Variants in HSPA5 observed in about 807,000 individuals in gnomAD.
HSPA5 encodes the protein endoplasmic reticulum chaperone BiP.
Under a neutral mutation model 49.5 loss-of-function variants are expected in HSPA5, and 16 were observed. The ratio of observed to expected loss-of-function variants is 0.32; its 90% CI spans 0.22 to 0.49. The LOEUF (loss-of-function observed/expected upper bound fraction) is 0.49, where lower values mean the gene tolerates loss of function less well. Ranked by LOEUF, HSPA5 falls within the 20% of genes least tolerant of loss-of-function variation. The pLI is 0.99. For missense variants in HSPA5, 376 were observed against 819.0 expected, an observed-to-expected ratio of 0.46 and a Z score of 6.60; for synonymous variants, 271 against 307.2, an observed-to-expected ratio of 0.88 and a Z score of 1.23.
Position 125,237,150 on chromosome 9 carries a change from T to C in HSPA5, c.1407A>G (p.Glu469=), listed in dbSNP as rs1424708127. The C allele has an allele frequency of 6.2e-7, 1 of 1,604,778 alleles. No individual in the cohort carries two copies. The highest frequency in any genetic ancestry group is 1.1e-5 in the South Asian group (1 of 89,866). ...GATGATTGTCTTTTGTCAGGGGTCTTTCACCTAGAAGTTACATACAGAAAA... is the reference window on the plus strand; with the variant it reads ...GATGATTGTCTTTTGTCAGGGGTCTCTCACCTAGAAGTTACATACAGAAAA... ...PTVTIKVYEG[E]RPLTKDNHLL... Residue 469 remains glutamate, a synonymous_variant, in exon 8 of 8, where the codon GAA becomes GAG. Coordinates refer to ENST00000324460, the MANE Select transcript of HSPA5 (RefSeq NM_005347.5).
chr9:125,238,241 G>C lies in HSPA5; in HGVS notation c.1302C>G (p.Thr434=). 6.2e-7 allele frequency: 1 copy of C among 1,613,768 alleles called. No homozygotes were observed. Residue 434 remains threonine, a synonymous_variant, in exon 7 of 8, where the codon ACC becomes ACG. Transcript: ENST00000324460. ...LGIETVGGVM[T]KLIPRNTVVP... ...CCACTGTGTTCCTTGGAATCAGTTT[G>C]GTCATGACACCTCCCACAGTTTCAA...
Position 125,236,583 on chromosome 9 carries a change from G to C in HSPA5, c.*9C>G. 1.3e-6 allele frequency: 2 copies of C among 1,552,502 alleles called. No homozygotes were observed. The highest frequency in any genetic ancestry group is 8.7e-7 in the Non-Finnish European group (1 of 1,149,156). On this transcript the variant is annotated 3_prime_UTR_variant, in exon 8 of 8. Coordinates refer to ENST00000324460, the MANE Select transcript of HSPA5 (RefSeq NM_005347.5). ...TATTTACAATATTACAGCACTAGCA[G>C]ATCAGTGTCTACAACTCATCTTTTT...
chr9:125,240,594 A>G lies in HSPA5; in HGVS notation c.354+82T>C. The G allele has an allele frequency of 8.5e-7, 1 of 1,176,750 alleles. No individual in the cohort carries two copies. The highest frequency in any genetic ancestry group is 2.0e-5 in the Admixed American group (1 of 50,804). The allele number at this position is 1,176,750 out of a possible 1,614,324, so 72.9% of individuals were successfully genotyped here. ...GTCTATAACCTTCAACTGTTGTCTC[A>G]ACACTTTTCCAGAGACTTATAACTC... is the stretch of plus-strand genomic sequence containing the variant. On this transcript the variant is annotated intron_variant, in intron 2 of 7. Coordinates refer to ENST00000324460, the MANE Select transcript of HSPA5 (RefSeq NM_005347.5). This position sits in a 1 kb window ranked among gnomAD's most constrained non-coding sequence, Gnocchi z 4.4.
At position 125,238,763 on chromosome 9, in the gene HSPA5, G is replaced by A. The variant is rs1368629912; in HGVS notation, c.1061C>T (p.Ser354Phe). ...KVLEDSDLKKSDIDEIVLVGG... is the reference protein window; with the variant it reads ...KVLEDSDLKKFDIDEIVLVGG... Reference sequence around the variant, plus strand: ...AACAAGAACAATTTCATCAATATCAGACTTCTTCAAATCAGAATCTTCCAA... The same window carrying A: ...AACAAGAACAATTTCATCAATATCAAACTTCTTCAAATCAGAATCTTCCAA... Residue 354 changes from serine (S) to phenylalanine (F), a missense_variant, in exon 6 of 8, where the codon TCT becomes TTT. Ser to Phe is a radical substitution (Grantham distance 155). Around this residue, in one of 8 missense-constraint regions of HSPA5, gnomAD observed 89 missense variants for 155.9 expected, o/e 0.57. Coordinates refer to ENST00000324460, the MANE Select transcript of HSPA5 (RefSeq NM_005347.5). The A allele has an allele frequency of 6.2e-6, 10 of 1,614,010 alleles. No individual in the cohort carries two copies. Among genetic ancestry groups the A allele is most frequent in the Non-Finnish European group, 2.5e-6 (3 of 1,180,040 alleles).
At chr9:125,237,894 G>T (rs1178588367) in intron 7 of HSPA5, among the ~76,000 whole-genome samples, 1 of 152,100 alleles carries the variant, frequency 6.6e-6, no homozygotes, top group African/African-American at 2.4e-5. Context: ...CTGAGGTCAG[G>T]AGTTGGAGAC....
At position 125,240,553 on chromosome 9, in the gene HSPA5, T is replaced by C; in HGVS notation, c.354+123A>G. ...TTGTAACATACTAATAGTATTAAAG[T>C]TATTACATACATCATGTCTATAACC... On this transcript the variant is annotated intron_variant, in intron 2 of 7. Transcript: ENST00000324460. The surrounding 1 kb of genome is among the most constrained non-coding windows in gnomAD (Gnocchi z 4.4). 1.2e-6 allele frequency: 1 copy of C among 803,432 alleles called. No homozygotes were observed. The allele number at this position is 803,432 out of a possible 1,614,324, so 49.8% of individuals were successfully genotyped here.
Position 125,236,589 on chromosome 9 carries a change from T to C in HSPA5, c.*3A>G. The stretch of plus-strand genomic sequence containing the variant: ...CAATATTACAGCACTAGCAGATCAG[T>C]GTCTACAACTCATCTTTTTCTGCTG... On this transcript the variant is annotated 3_prime_UTR_variant, in exon 8 of 8. Transcript: ENST00000324460. 6.4e-7 allele frequency: 1 copy of C among 1,562,864 alleles called. No homozygotes were observed. The highest frequency in any genetic ancestry group is 8.6e-7 in the Non-Finnish European group (1 of 1,156,416).
chr9:125,239,061 T>C lies in HSPA5; in HGVS notation c.876A>G (p.Val292=). 1 of 1,614,206 alleles carries C rather than the reference T, an allele frequency of 6.2e-7. No homozygotes were observed. Among genetic ancestry groups the C allele is most frequent in the Non-Finnish European group, 8.5e-7 (1 of 1,180,036 alleles). Residue 292 remains valine, a synonymous_variant, in exon 5 of 8, where the codon GTA becomes GTG. Coordinates refer to ENST00000324460, the MANE Select transcript of HSPA5 (RefSeq NM_005347.5). This position sits in a 1 kb window ranked among gnomAD's most constrained non-coding sequence, Gnocchi z 5.5. ...AAGACAGGGCCCGTTTGGCCTTTTC[T>C]ACCTCGCGCCGGAGTTTCTGCACAG... is the stretch of plus-strand genomic sequence containing the variant. ...NRAVQKLRRE[V]EKAKRALSSQ...
At position 125,240,608 on chromosome 9, in the gene HSPA5, G is replaced by T. The variant is rs988847565; in HGVS notation, c.354+68C>A. On this transcript the variant is annotated intron_variant, in intron 2 of 7. Transcript: ENST00000324460. The surrounding 1 kb of genome is among the most constrained non-coding windows in gnomAD (Gnocchi z 4.4). ...ACTGTTGTCTCAACACTTTTCCAGA[G>T]ACTTATAACTCTAAATACTCCCACC... 1.5e-6 allele frequency: 2 copies of T among 1,305,292 alleles called. No homozygotes were observed. The highest frequency in any genetic ancestry group is 2.2e-6 in the Non-Finnish European group (2 of 912,018). The allele number at this position is 1,305,292 out of a possible 1,614,324, so 80.9% of individuals were successfully genotyped here.
rs780542788 is a variant in HSPA5, at chr9:125,239,256, G to A, written c.681C>T (p.Gly227=). 1.4e-5 allele frequency: 22 copies of A among 1,613,912 alleles called. No homozygotes were observed. The East Asian group carries it at 1.6e-4, about 11-fold the overall frequency. ...EKNILVFDLG[G]GTFDVSLLTI... is the part of the protein sequence containing the mutation. ...TGAGAAGAGACACATCGAAGGTTCC[G>A]CCACCCAGGTCAAACACCAGGATGT... The change falls in exon 5 of 8, where the codon GGC becomes GGT. Residue 227 remains glycine, a synonymous_variant. Transcript: ENST00000324460. This position sits in a 1 kb window ranked among gnomAD's most constrained non-coding sequence, Gnocchi z 5.5.
Position 125,239,749 on chromosome 9 carries a change from G to A in HSPA5, c.493-216C>T, listed in dbSNP as rs969086667. 4.6e-5 allele frequency among the ~76,000 whole-genome samples: 7 copies of A among 151,394 alleles called. No homozygotes were observed. Among genetic ancestry groups the A allele is most frequent in the Admixed American group, 2.6e-4 (4 of 15,158 alleles). Reference sequence around the variant, plus strand: ...AAAAAAAAAAAAAAAAATTAGCCAGGTGTGGTGGTGTGCCTGTAGTTCCAG... The same window carrying A: ...AAAAAAAAAAAAAAAAATTAGCCAGATGTGGTGGTGTGCCTGTAGTTCCAG... On this transcript the variant is annotated intron_variant, in intron 3 of 7. Transcript: ENST00000324460. This position sits in a 1 kb window ranked among gnomAD's most constrained non-coding sequence, Gnocchi z 5.5.
chr9:125,239,629 A>T lies in HSPA5; in HGVS notation c.493-96T>A. The T allele has an allele frequency of 1.0e-6, 1 of 962,802 alleles. No individual in the cohort carries two copies. Among genetic ancestry groups the T allele is most frequent in the Non-Finnish European group, 1.6e-6 (1 of 621,056 alleles). The allele number at this position is 962,802 out of a possible 1,614,324, so 59.6% of individuals were successfully genotyped here. On this transcript the variant is annotated intron_variant, in intron 3 of 7. Coordinates refer to ENST00000324460, the MANE Select transcript of HSPA5 (RefSeq NM_005347.5). The surrounding 1 kb of genome is among the most constrained non-coding windows in gnomAD (Gnocchi z 5.5). ...GGCGGTGGCTTCTGCCTATAATCCC[A>T]GCACTTTGGGAGGCTGAGGCAGGAG...
In HSPA5 at chr9:125,241,323, T is replaced by C. The variant is rs1010117101; in HGVS notation, c.-197A>G. 25 of 625,426 alleles carry C rather than the reference T, an allele frequency of 4.0e-5. No homozygotes were observed. The highest frequency in any genetic ancestry group is 6.0e-5 in the Non-Finnish European group (22 of 366,430). 38.7% of individuals were successfully genotyped at this position (625,426 alleles called of 1,614,324 possible). On this transcript the variant is annotated 5_prime_UTR_variant, in exon 1 of 8. Transcript: ENST00000324460. The stretch of plus-strand genomic sequence containing the variant: ...AAACACCCCAATAGGTCAATCTGTC[T>C]GTGCTGTCTTGGCCGGCGTCGACCT...
chr9:125,235,060 G>GGTCT lies in HSPA5; in HGVS notation c.*1528_*1531dup, dbSNP rs1832468504. 1 of 152,114 alleles carries GGTCT rather than the reference G, an allele frequency of 6.6e-6. No homozygotes were observed. The highest frequency in any genetic ancestry group is 2.4e-5 in the African/African-American group (1 of 41,396). The allele number at this position is 152,114 out of a possible 1,614,324, so 9.4% of individuals were successfully genotyped here. On this transcript the variant is annotated 3_prime_UTR_variant, in exon 8 of 8. Transcript: ENST00000324460. Reference sequence around the variant, plus strand: ...GGCCTGAGACCAGTATTCTGCTCAGGGTCTGCCCAAATGCTTTTCGGGCAG... The same window carrying GGTCT: ...GGCCTGAGACCAGTATTCTGCTCAGGGTCTGTCTGCCCAAATGCTTTTCGGGCAG...
Position 125,239,347 on chromosome 9 carries a change from A to G in HSPA5, c.606-16T>C. On this transcript the variant is annotated splice_polypyrimidine_tract_variant and intron_variant, in intron 4 of 7. Transcript: ENST00000324460. The surrounding 1 kb of genome is among the most constrained non-coding windows in gnomAD (Gnocchi z 5.5). ...AGCTGCCGTACTATTAGATTGAAAA[A>G]GGGAAAAGTTTTGTCAGTACTTCAC... The G allele has an allele frequency of 6.2e-7, 1 of 1,611,782 alleles. No individual in the cohort carries two copies. The highest frequency in any genetic ancestry group is 8.5e-7 in the Non-Finnish European group (1 of 1,177,944).
chr9:125,234,888 C>T lies in HSPA5; in HGVS notation c.*1704G>A, dbSNP rs550046031. 4.6e-5 allele frequency: 7 copies of T among 152,154 alleles called. No homozygotes were observed. In the South Asian group the frequency reaches 1.4e-3, roughly 32 times the overall value. 9.4% of individuals were successfully genotyped at this position (152,154 alleles called of 1,614,324 possible). On this transcript the variant is annotated 3_prime_UTR_variant, in exon 8 of 8. Coordinates refer to ENST00000324460, the MANE Select transcript of HSPA5 (RefSeq NM_005347.5). ...TCTTTTTAATATTCAGTAACAGCTC[C>T]TCAGAAAGAGTTACAGACTAGGTGG...
chr9:125,239,101 C>T lies in HSPA5; in HGVS notation c.836G>A (p.Arg279Lys). 6.2e-7 allele frequency: 1 copy of T among 1,614,172 alleles called. No individual in the cohort carries two copies. Among genetic ancestry groups the T allele is most frequent in the Non-Finnish European group, 8.5e-7 (1 of 1,180,044 alleles). ...TTTCTGCACAGCTCTATTGTCTTTCCTGACATCTTTGCCCGTCTTCTTTTT... is the reference window on the plus strand; with the variant it reads ...TTTCTGCACAGCTCTATTGTCTTTCTTGACATCTTTGCCCGTCTTCTTTTT... The part of the protein sequence containing the change: ...LYKKKTGKDV[R>K]KDNRAVQKLR... Residue 279 changes from arginine to lysine, a missense_variant, in exon 5 of 8, where the codon AGG becomes AAG. Arg to Lys is a conservative substitution (Grantham distance 26). Coordinates refer to ENST00000324460, the MANE Select transcript of HSPA5 (RefSeq NM_005347.5). This position sits in a 1 kb window ranked among gnomAD's most constrained non-coding sequence, Gnocchi z 5.5.
chr9:125,237,572 C>T (rs911312242), intron 7 of HSPA5, among the ~76,000 whole-genome samples: 6 of 151,394 alleles, frequency 4.0e-5, no homozygotes, highest in African/African-American at 1.5e-4. Context: ...AAAACTTAGC[C>T]GGGCGTGATG....
Position 125,240,571 on chromosome 9 carries a change from C to G in HSPA5, c.354+105G>C, listed in dbSNP as rs1832551301. On this transcript the variant is annotated intron_variant, in intron 2 of 7. Coordinates refer to ENST00000324460, the MANE Select transcript of HSPA5 (RefSeq NM_005347.5). This position sits in a 1 kb window ranked among gnomAD's most constrained non-coding sequence, Gnocchi z 4.4. The stretch of plus-strand genomic sequence containing the variant: ...ATTAAAGTTATTACATACATCATGT[C>G]TATAACCTTCAACTGTTGTCTCAAC... 9.6e-6 allele frequency: 9 copies of G among 932,814 alleles called. No homozygotes were observed. Among genetic ancestry groups the G allele is most frequent in the Non-Finnish European group, 1.5e-5 (9 of 594,468 alleles). 57.8% of individuals were successfully genotyped at this position (932,814 alleles called of 1,614,324 possible). A position where few individuals can be genotyped will look rare whatever the true frequency, so the allele number is the denominator to read the frequency against.
Sources: allele counts gnomAD v4.1 joint callset (sites outside exome capture counted in the v4.1 genomes callset), GRCh38; gene constraint gnomAD v4.1.1; regional missense constraint gnomAD v4.1.1; non-coding constraint Gnocchi (gnomAD v3.1); transcripts MANE v1.5; gene names NCBI Gene and HGNC (gene_info 2026-07-23, HGNC 2026-07-21).